The following KCNMA1 variants were observed in gnomAD, a reference collection of about 807,000 sequenced individuals.
KCNMA1 encodes potassium calcium-activated channel subfamily M alpha 1.
Under a neutral mutation model 140.0 loss-of-function variants are expected in KCNMA1, and 29 were observed. The observed-to-expected ratio is 0.21, with a 90% CI of 0.15 to 0.28. The LOEUF (loss-of-function observed/expected upper bound fraction) is 0.28. Among genes scored for constraint, KCNMA1 ranks in the 10% least tolerant of loss-of-function variants. KCNMA1 has a pLI of 1.00. For synonymous variants in KCNMA1, 612 were observed against 611.9 expected (o/e 1.00, Z 0.00); for missense variants, 880 against 1,602.2 (o/e 0.55, Z 7.70).
intron 1 of KCNMA1, among the ~76,000 whole-genome samples, chr10:77,543,422 A>G (rs561442845): frequency 6.6e-6 from 1 of 152,322 alleles, no homozygotes; most frequent in South Asian, 2.1e-4. Flanking sequence ...CAAGTTAAAC[A>G]TATGCAAGAT....
chr10:77,267,964 G>A (rs563418278), intron 2 of KCNMA1, among the ~76,000 whole-genome samples: 2 of 152,312 alleles, frequency 1.3e-5, no homozygotes, highest in Non-Finnish European at 2.9e-5. Context: ...GACGCTTCTT[G>A]ACAGTAGACC....
intron 2 of KCNMA1, among the ~76,000 whole-genome samples, chr10:77,375,302 C>T (rs1200541021): frequency 4.6e-5 from 7 of 152,202 alleles, no homozygotes; most frequent in Admixed American, 2.0e-4. Context: ...AAGGAAAGCA[C>T]ACTGCCTTCA....
chr10:77,591,406 A>C (rs2079109595), intron 1 of KCNMA1, among the ~76,000 whole-genome samples: 1 of 152,140 alleles, frequency 6.6e-6, no homozygotes. Context: ...CTTGCTAATT[A>C]GCAGTAAATT....
chr10:77,085,186 C>A (rs911793550), intron 11 of KCNMA1, among the ~76,000 whole-genome samples: 9 of 152,104 alleles, frequency 5.9e-5, no homozygotes, highest in Admixed American at 6.5e-5. Flanking sequence ...TTCATCTGAC[C>A]TTTTTCACAT....
chr10:76,961,862 T>C (rs1335220212), intron 20 of KCNMA1, among the ~76,000 whole-genome samples: 1 of 152,228 alleles, frequency 6.6e-6, no homozygotes, highest in East Asian at 1.9e-4. Context: ...AACCTAACTT[T>C]TATATGCACT....
At chr10:77,171,111 C>T (rs2154099763) in intron 5 of KCNMA1, among the ~76,000 whole-genome samples, 1 of 152,276 alleles carries the variant, frequency 6.6e-6, no homozygotes, top group Admixed American at 6.5e-5. Flanking sequence ...ACCAGCAGAT[C>T]TCAAAGTGTG....
intron 2 of KCNMA1, among the ~76,000 whole-genome samples, chr10:77,287,144 T>C (rs931259397): frequency 1.3e-5 from 2 of 152,234 alleles, no homozygotes; most frequent in Non-Finnish European, 2.9e-5. Flanking sequence ...AGTTCATTCA[T>C]GCATCAGGGT....
intron 1 of KCNMA1, among the ~76,000 whole-genome samples, chr10:77,444,127 T>C (rs1294941554): frequency 6.6e-6 from 1 of 152,218 alleles, no homozygotes; most frequent in Non-Finnish European, 1.5e-5. Context: ...ACACATGGGA[T>C]ACTGACCTGT....
rs144992362 is a variant in KCNMA1 at position 76,948,744 on chromosome 10, C to T, written c.2709+398G>A. Among the ~76,000 whole-genome samples, 56 of 152,286 alleles carry T rather than the reference C, an allele frequency of 3.7e-4. No individual in the cohort carries two copies. In the East Asian group the frequency reaches 0.01, roughly 28 times the overall value. On this transcript the variant is annotated intron_variant, in intron 22 of 27. Transcript: ENST00000286628. ...ATTTAGTTAAAAACAGAAGGTGGCACAGATCAATGTTTCTTCAAGCATTAA... is the reference window on the plus strand; with the variant it reads ...ATTTAGTTAAAAACAGAAGGTGGCATAGATCAATGTTTCTTCAAGCATTAA...
intron 2 of KCNMA1, chr10:77,350,815 C>T (rs984880989): frequency 6.6e-6 from 1 of 152,146 alleles, no homozygotes; most frequent in South Asian, 2.1e-4. Context: ...CACAATCATG[C>T]CTGGTGATTA....
intron 1 of KCNMA1, among the ~76,000 whole-genome samples, chr10:77,429,322 G>A (rs1413057639): frequency 6.6e-6 from 1 of 152,118 alleles, no homozygotes; most frequent in East Asian, 1.9e-4. Context: ...TTTTTGTTGT[G>A]GGAGGCTGTC....
At chr10:77,624,957 C>T (rs1454670601) in intron 1 of KCNMA1, among the ~76,000 whole-genome samples, 3 of 152,014 alleles carry the variant, frequency 2.0e-5, no homozygotes, top group African/African-American at 4.8e-5. Flanking sequence ...AAAACAAGAA[C>T]GCCACCGTAA....
At chr10:77,313,375 C>T (rs954313818) in intron 2 of KCNMA1, among the ~76,000 whole-genome samples, 5 of 152,158 alleles carry the variant, frequency 3.3e-5, no homozygotes, top group Non-Finnish European at 7.4e-5. Flanking sequence ...ACTTCTCTTC[C>T]CCTTAAGCCA....
chr10:77,240,527 C>T (rs898112491), intron 3 of KCNMA1, among the ~76,000 whole-genome samples: 4 of 152,164 alleles, frequency 2.6e-5, no homozygotes, highest in African/African-American at 9.7e-5. Context: ...GAAAGAGAGA[C>T]AGTTTAGAAT....
intron 1 of KCNMA1, among the ~76,000 whole-genome samples, chr10:77,629,240 G>A (rs2092905498): frequency 6.6e-6 from 1 of 152,130 alleles, no homozygotes. Context: ...AACAAAGCAA[G>A]TTCCATCTTA....
intron 3 of KCNMA1, among the ~76,000 whole-genome samples, chr10:77,220,421 C>T (rs1009650436): frequency 1.3e-5 from 2 of 152,300 alleles, no homozygotes; most frequent in Admixed American, 6.5e-5. Flanking sequence ...GTGGCTCCAA[C>T]GGCTGGCAGC....
chr10:77,298,019 C>T (rs2075641347), intron 2 of KCNMA1, among the ~76,000 whole-genome samples: 1 of 152,178 alleles, frequency 6.6e-6, no homozygotes. Context: ...CCTCACCAGT[C>T]AACTTCAAGG....
chr10:77,099,609 G>A (rs2097042266), intron 9 of KCNMA1, among the ~76,000 whole-genome samples: 1 of 152,022 alleles, frequency 6.6e-6, no homozygotes, highest in South Asian at 2.1e-4. Flanking sequence ...AGCTACTCGA[G>A]GGGCTGAGGC....
intron 15 of KCNMA1, among the ~76,000 whole-genome samples, chr10:77,032,707 A>G (rs2094019947): frequency 6.6e-6 from 1 of 152,042 alleles, no homozygotes; most frequent in African/African-American, 2.4e-5. Context: ...CAAATTTGAC[A>G]ACGACATTAT....
Sources: allele counts gnomAD v4.1 joint callset (sites outside exome capture counted in the v4.1 genomes callset), GRCh38; gene constraint gnomAD v4.1.1; transcripts MANE v1.5; gene names NCBI Gene and HGNC (gene_info 2026-07-23, HGNC 2026-07-21).